DSCAM: variants seen among roughly 807,000 people sequenced by gnomAD.
DSCAM encodes the protein cell adhesion molecule DSCAM.
DSCAM carries 47 observed loss-of-function variants against 217.7 expected under a neutral mutation model. That is an observed-to-expected ratio of 0.22 (90% CI 0.17 to 0.28). The LOEUF (loss-of-function observed/expected upper bound fraction) is 0.28, where lower values mean the gene tolerates loss of function less well. Ranked by LOEUF, DSCAM falls within the 10% of genes least tolerant of loss-of-function variation. The pLI, the probability that DSCAM is intolerant of heterozygous loss-of-function variation, is 1.00. For missense variants in DSCAM, 2,080 were observed against 2,618.3 expected (o/e 0.79, Z 4.49); for synonymous variants, 1,056 against 1,015.3 (o/e 1.04, Z -0.76).
At chr21:40,572,933 T>A (rs2076819677) in intron 3 of DSCAM, among the ~76,000 whole-genome samples, 1 of 152,182 alleles carries the variant, frequency 6.6e-6, no homozygotes, top group Admixed American at 6.5e-5. Flanking sequence ...AATACTCCAC[T>A]CAACAACTAT....
intron 11 of DSCAM, among the ~76,000 whole-genome samples, chr21:40,251,160 G>A (rs2073298603): frequency 6.6e-6 from 1 of 152,238 alleles, no homozygotes; most frequent in Non-Finnish European, 1.5e-5. Context: ...ATGGGCCATC[G>A]AGGGCTGGCT....
At chr21:40,240,819 C>T (rs2073142690) in intron 11 of DSCAM, among the ~76,000 whole-genome samples, 1 of 152,130 alleles carries the variant, frequency 6.6e-6, no homozygotes, top group African/African-American at 2.4e-5. Context: ...TTGTAGCTTC[C>T]CCACCATATC....
chr21:40,214,024 A>T (rs1272354999), intron 11 of DSCAM, among the ~76,000 whole-genome samples: 1 of 152,230 alleles, frequency 6.6e-6, no homozygotes, highest in Non-Finnish European at 1.5e-5. Context: ...TTGCCCCCAT[A>T]GAGCTTCCTT....
At position 40,439,036 on chromosome 21, in the gene DSCAM, G is replaced by T. The variant is rs781301040; in HGVS notation, c.509-69791C>A. The stretch of plus-strand genomic sequence containing the variant: ...AAGTACCCTTTTCTATTGCACCATT[G>T]TCATAGGTGCAAGCAACATCCCTGT... On this transcript the variant is annotated intron_variant, in intron 3 of 32. Coordinates refer to ENST00000400454, the MANE Select transcript of DSCAM (RefSeq NM_001389.5). Among the ~76,000 whole-genome samples the T allele has an allele frequency of 1.1e-4, 17 of 152,070 alleles. No homozygotes were observed. The South Asian group carries it at 1.2e-3, about 11-fold the overall frequency.
intron 6 of DSCAM, among the ~76,000 whole-genome samples, chr21:40,345,748 A>C (rs9975957): frequency 0.51 from 77,732 of 151,938 alleles, 20,953 homozygotes; most frequent in South Asian, 0.65. Context: ...ACTCTTTTAA[A>C]GCAGGTACTA....
chr21:40,418,074 A>G (rs981035176), intron 3 of DSCAM, among the ~76,000 whole-genome samples: 3 of 152,194 alleles, frequency 2.0e-5, no homozygotes, highest in Non-Finnish European at 4.4e-5. Flanking sequence ...TAACCATTGA[A>G]GTACGATAGG....
intron 1 of DSCAM, among the ~76,000 whole-genome samples, chr21:40,716,441 T>C (rs530521383): frequency 7.2e-5 from 11 of 152,086 alleles, no homozygotes; most frequent in Non-Finnish European, 1.5e-4. Context: ...AACAGAAAGC[T>C]AAATGAAACA....
chr21:40,518,983 A>G (rs969765368), intron 3 of DSCAM, among the ~76,000 whole-genome samples: 3 of 152,178 alleles, frequency 2.0e-5, no homozygotes, highest in Non-Finnish European at 4.4e-5. Flanking sequence ...TAATTGGAAC[A>G]TAATGTTAAG....
At chr21:40,608,873 C>T (rs977872696) in intron 3 of DSCAM, among the ~76,000 whole-genome samples, 20 of 152,140 alleles carry the variant, frequency 1.3e-4, no homozygotes, top group Non-Finnish European at 7.4e-5. Context: ...CAGGAGCTAC[C>T]ACTCGTTTTC....
At chr21:40,141,071 G>C (rs1320844910) in intron 18 of DSCAM, among the ~76,000 whole-genome samples, 3 of 152,198 alleles carry the variant, frequency 2.0e-5, no homozygotes, top group African/African-American at 7.2e-5. Context: ...CAGAGCTAAG[G>C]CTCAAAGGCC....
chr21:40,123,232 C>T (rs1448951233), intron 20 of DSCAM, among the ~76,000 whole-genome samples: 5 of 152,034 alleles, frequency 3.3e-5, no homozygotes, highest in East Asian at 1.9e-4. Context: ...TTCACAACAA[C>T]GTGAAGGTAT....
chr21:40,814,632 A>G (rs1310789396), intron 1 of DSCAM, among the ~76,000 whole-genome samples: 6 of 152,240 alleles, frequency 3.9e-5, no homozygotes, highest in Non-Finnish European at 8.8e-5. Flanking sequence ...AAGGGGTTTT[A>G]GTTAATCATG....
chr21:40,130,386 T>C (rs761942465), intron 19 of DSCAM, among the ~76,000 whole-genome samples: 2 of 152,162 alleles, frequency 1.3e-5, no homozygotes, highest in African/African-American at 2.4e-5. Flanking sequence ...TTCTCACTGA[T>C]AGAGCAGTCC....
At chr21:40,372,905 A>T (rs1050779599) in intron 3 of DSCAM, among the ~76,000 whole-genome samples, 1 of 152,208 alleles carries the variant, frequency 6.6e-6, no homozygotes, top group Non-Finnish European at 1.5e-5. Context: ...GCTTGGTGTC[A>T]GTTCAGTCAG....
chr21:40,205,360 T>C (rs903651704), intron 11 of DSCAM, among the ~76,000 whole-genome samples: 6 of 152,150 alleles, frequency 3.9e-5, no homozygotes, highest in Admixed American at 2.6e-4. Context: ...CCCAGCACTT[T>C]GGGAGGCCAA....
chr21:40,310,673 C>T (rs376809190), intron 9 of DSCAM, among the ~76,000 whole-genome samples: 52 of 152,318 alleles, frequency 3.4e-4, no homozygotes, highest in Non-Finnish European at 6.3e-4. Flanking sequence ...AGATTCCTGG[C>T]CTGGATCCTT....
intron 3 of DSCAM, among the ~76,000 whole-genome samples, chr21:40,576,701 T>C (rs572086618): frequency 2.6e-4 from 40 of 151,944 alleles, no homozygotes; most frequent in East Asian, 1.9e-3. Flanking sequence ...AATATATATA[T>C]AGAACTCCTG....
chr21:40,699,566 C>A (rs1248685396), intron 2 of DSCAM, among the ~76,000 whole-genome samples: 2 of 152,146 alleles, frequency 1.3e-5, no homozygotes, highest in African/African-American at 4.8e-5. Context: ...GCTACTTCAG[C>A]GAACAAATGA....
chr21:40,826,703 T>TGTGCAGC (rs2091971553), intron 1 of DSCAM, among the ~76,000 whole-genome samples: 1 of 152,222 alleles, frequency 6.6e-6, no homozygotes, highest in South Asian at 2.1e-4. Context: ...ATTTCTGTTC[T>TGTGCAGC]GTGCAGTGAG....
Sources: allele counts gnomAD v4.1 joint callset (sites outside exome capture counted in the v4.1 genomes callset), GRCh38; gene constraint gnomAD v4.1.1; transcripts MANE v1.5; gene names NCBI Gene and HGNC (gene_info 2026-07-23, HGNC 2026-07-21).